Variants in LRTM2 observed in about 807,000 individuals in gnomAD.
The protein encoded by LRTM2 is leucine rich repeat transmembrane protein 2.
In LRTM2, 18 loss-of-function variants were observed where a neutral mutation model predicts 28.1. The observed-to-expected ratio is 0.64, with a 90% CI of 0.44 to 0.95. The LOEUF is 0.95. Among genes scored for constraint, LRTM2 ranks in the 40% least tolerant of loss-of-function variants. The probability of loss-of-function intolerance (pLI) is 0.00; values close to 1 mark genes in which losing one functional copy is unlikely to be tolerated. For missense variants in LRTM2, 436 were observed against 497.2 expected (o/e 0.88, Z 1.17); for synonymous variants, 250 against 218.7 (o/e 1.14, Z -1.26).
In LRTM2 at chr12:1,830,977, C is replaced by T. The variant is rs947002910; in HGVS notation, c.110C>T (p.Pro37Leu). ...WIALYAVEAL[P>L]TCPFSCKCDS... is the part of the protein sequence containing the mutation. ...GCCCTGTATGCTGTGGAGGCCCTCC[C>T]CACCTGCCCTTTCTCCTGCAAGTGT... is the stretch of plus-strand genomic sequence containing the variant. The change falls in exon 4 of 5, where the codon CCC becomes CTC. Residue 37 changes from proline (P) to leucine (L), a missense_variant. Coordinates refer to ENST00000299194, the MANE Select transcript of LRTM2 (RefSeq NM_001039029.3). 1.9e-6 allele frequency: 3 copies of T among 1,613,284 alleles called. No individual in the cohort carries two copies. The highest frequency in any genetic ancestry group is 2.5e-6 in the Non-Finnish European group (3 of 1,179,592).
At position 1,836,135 on chromosome 12, in the gene LRTM2, G is replaced by A. The variant is rs946435192; in HGVS notation, c.*1414G>A. The A allele has an allele frequency of 5.2e-5, 8 of 152,426 alleles. No homozygotes were observed. The highest frequency in any genetic ancestry group is 1.9e-4 in the East Asian group (1 of 5,186). 9.4% of individuals were successfully genotyped at this position (152,426 alleles called of 1,614,324 possible). On this transcript the variant is annotated 3_prime_UTR_variant, in exon 5 of 5. Transcript: ENST00000299194. ...GTGTGGCTCCCTAGAGCACCCAGCC[G>A]GGGCCAAACCAGAGAGTGGGTGGGG...
chr12:1,828,143 C>A lies in LRTM2; in HGVS notation c.-6C>A. The A allele has an allele frequency of 1.9e-6, 3 of 1,538,588 alleles. No individual in the cohort carries two copies. The highest frequency in any genetic ancestry group is 8.8e-7 in the Non-Finnish European group (1 of 1,141,252). ...CGACAGGGCCCGGAGAGCCGTGGGCCTCACCATGCTGGCGCCGGGCAGCAG... is the reference window on the plus strand; with the variant it reads ...CGACAGGGCCCGGAGAGCCGTGGGCATCACCATGCTGGCGCCGGGCAGCAG... On this transcript the variant is annotated 5_prime_UTR_variant, in exon 3 of 5. Transcript: ENST00000299194. This position sits in a 1 kb window ranked among gnomAD's most constrained non-coding sequence, Gnocchi z 4.2.
At chr12:1,823,731 A>T (rs1372372086) in intron 1 of LRTM2, among the ~76,000 whole-genome samples, 1 of 152,196 alleles carries the variant, frequency 6.6e-6, no homozygotes, top group Non-Finnish European at 1.5e-5. Flanking sequence ...TCTTGCTTGC[A>T]TCTCAGTCCA....
At chr12:1,827,948 GA>G (rs1300965734) in intron 2 of LRTM2, 127 bp from the exon 3 acceptor site, 80 of 419,688 alleles carry the variant, frequency 1.9e-4, no homozygotes, top group Non-Finnish European at 1.3e-4. Context: ...CCCACCCAGG[GA>G]ATCATAACTG....
chr12:1,835,593 C>T lies in LRTM2; in HGVS notation c.*872C>T, dbSNP rs1350768923. Reference sequence around the variant, plus strand: ...GCAGGAAGGAACTCAACCAGTAACACCAGGATCCTTTGAGATCCTCTAAAG... The same window carrying T: ...GCAGGAAGGAACTCAACCAGTAACATCAGGATCCTTTGAGATCCTCTAAAG... On this transcript the variant is annotated 3_prime_UTR_variant, in exon 5 of 5. Coordinates refer to ENST00000299194, the MANE Select transcript of LRTM2 (RefSeq NM_001039029.3). 1 of 152,684 alleles carries T rather than the reference C, an allele frequency of 6.5e-6. No individual in the cohort carries two copies. The highest frequency in any genetic ancestry group is 2.4e-5 in the African/African-American group (1 of 41,454). The allele number at this position is 152,684 out of a possible 1,614,324, so 9.5% of individuals were successfully genotyped here.
chr12:1,831,513 T>C lies in LRTM2; in HGVS notation c.646T>C (p.Phe216Leu), dbSNP rs1226080274. The part of the protein sequence containing the change: ...LREFKHWMEW[F>L]SYRGGRLDQL... ...TGAGTTCAAACACTGGATGGAGTGG[T>C]TCTCCTACCGAGGTGAGCGCAGCCG... The change falls in exon 4 of 5, where the codon TTC (phenylalanine) becomes CTC (leucine). Residue 216 changes from phenylalanine to leucine, a missense_variant. By Grantham distance (22) the Phe-to-Leu change is conservative. Transcript: ENST00000299194. The C allele has an allele frequency of 6.2e-7, 1 of 1,612,682 alleles. No individual in the cohort carries two copies. The highest frequency in any genetic ancestry group is 8.5e-7 in the Non-Finnish European group (1 of 1,179,464).
Position 1,834,631 on chromosome 12 carries a change from G to A in LRTM2, c.1023G>A (p.Lys341=). The change falls in exon 5 of 5, where the codon AAG becomes AAA. Residue 341 remains lysine (K), a synonymous_variant. Transcript: ENST00000299194. The surrounding 1 kb of genome is among the most constrained non-coding windows in gnomAD (Gnocchi z 7.6). ...YGCIYASLMA[K]YHRELKKRQP... ...GCATCTACGCCTCCCTCATGGCCAA[G>A]TACCACCGGGAGCTCAAAAAGCGCC... 5 of 1,600,282 alleles carry A rather than the reference G, an allele frequency of 3.1e-6. No individual in the cohort carries two copies. The highest frequency in any genetic ancestry group is 3.4e-6 in the Non-Finnish European group (4 of 1,179,886).
At position 1,834,424 on chromosome 12, in the gene LRTM2, C is replaced by T; in HGVS notation, c.816C>T (p.Ala272=). Residue 272 remains alanine (A), a synonymous_variant, in exon 5 of 5, where the codon GCC becomes GCT. Transcript: ENST00000299194. This position sits in a 1 kb window ranked among gnomAD's most constrained non-coding sequence, Gnocchi z 7.6. The part of the protein sequence containing the change: ...LDIPGPPCTK[A]SPEPAKPKPG... ...TTCCTGGGCCACCCTGCACCAAGGC[C>T]AGTCCAGAGCCTGCTAAGCCCAAGC... is the stretch of plus-strand genomic sequence containing the variant. 1 of 1,612,938 alleles carries T rather than the reference C, an allele frequency of 6.2e-7. No homozygotes were observed. The highest frequency in any genetic ancestry group is 2.2e-5 in the East Asian group (1 of 44,878).
Position 1,828,006 on chromosome 12 carries a change from C to T in LRTM2, c.-73-70C>T, listed in dbSNP as rs1864427284. The T allele has an allele frequency of 3.3e-6, 2 of 605,824 alleles. No homozygotes were observed. Among genetic ancestry groups the T allele is most frequent in the East Asian group, 3.3e-5 (1 of 30,430 alleles). The allele number at this position is 605,824 out of a possible 1,614,324, so 37.5% of individuals were successfully genotyped here. On this transcript the variant is annotated intron_variant, in intron 2 of 4. Transcript: ENST00000299194. The surrounding 1 kb of genome is among the most constrained non-coding windows in gnomAD (Gnocchi z 4.2). ...AGGAGTGTAAAGAGACACCCGGGCC[C>T]TCTCCCTAACCCCTGGGCTGGAACG...
At chr12:1,822,775 C>T (rs1864158640) in intron 1 of LRTM2, among the ~76,000 whole-genome samples, 1 of 152,164 alleles carries the variant, frequency 6.6e-6, no homozygotes, top group African/African-American at 2.4e-5. Context: ...GGGCAGCTGT[C>T]CTAGAGGGCC....
At chr12:1,832,488 C>T (rs1379780104) in intron 4 of LRTM2, among the ~76,000 whole-genome samples, 1 of 152,190 alleles carries the variant, frequency 6.6e-6, no homozygotes, top group Non-Finnish European at 1.5e-5. Flanking sequence ...GAAGAAGATG[C>T]TCAATGAATG....
At chr12:1,825,152 A>G (rs897583713) in intron 1 of LRTM2, among the ~76,000 whole-genome samples, 2 of 151,876 alleles carry the variant, frequency 1.3e-5, no homozygotes, top group Admixed American at 1.3e-4. Context: ...TGAAGATGGG[A>G]CCTCCAGACC....
At chr12:1,824,620 C>CT (rs1864242470) in intron 1 of LRTM2, among the ~76,000 whole-genome samples, 1 of 152,226 alleles carries the variant, frequency 6.6e-6, no homozygotes, top group Admixed American at 6.5e-5. Context: ...CGCTGTCCCC[C>CT]ATGCTGCACC....
At position 1,820,957 on chromosome 12, in the gene LRTM2, G is replaced by C. The variant is rs778770223; in HGVS notation, c.-259+143G>C. On this transcript the variant is annotated intron_variant, in intron 1 of 4. Transcript: ENST00000299194. This position sits in a 1 kb window ranked among gnomAD's most constrained non-coding sequence, Gnocchi z 6.0. Reference sequence around the variant, plus strand: ...CTACCTGCAGGCAATTGCTGGGGCCGAAGAAGCTGCTCGGGCTCAGGCACC... The same window carrying C: ...CTACCTGCAGGCAATTGCTGGGGCCCAAGAAGCTGCTCGGGCTCAGGCACC... 6.6e-6 allele frequency: 1 copy of C among 152,324 alleles called. No individual in the cohort carries two copies. The highest frequency in any genetic ancestry group is 1.5e-5 in the Non-Finnish European group (1 of 68,118). The allele number at this position is 152,324 out of a possible 1,614,324, so 9.4% of individuals were successfully genotyped here.
intron 1 of LRTM2, among the ~76,000 whole-genome samples, chr12:1,826,149 C>G (rs940259756): frequency 6.6e-6 from 1 of 152,138 alleles, no homozygotes; most frequent in South Asian, 2.1e-4. Context: ...CACCCCTCTC[C>G]TCTGGAGGGA....
chr12:1,825,835 T>C (rs1366324342), intron 1 of LRTM2, among the ~76,000 whole-genome samples: 1 of 113,882 alleles, frequency 8.8e-6, no homozygotes, highest in Non-Finnish European at 2.1e-5. Flanking sequence ...AAACCTGCAA[T>C]CCAGTCCCGG....
chr12:1,828,127 CCGG>C lies in LRTM2; in HGVS notation c.-21_-19del. ...TCCTCTCTCCCCAGAGCGACAGGGCCCGGAGAGCCGTGGGCCTCACCATGCTGG... is the reference window on the plus strand; with the variant it reads ...TCCTCTCTCCCCAGAGCGACAGGGCCAGAGCCGTGGGCCTCACCATGCTGG... On this transcript the variant is annotated 5_prime_UTR_variant, in exon 3 of 5. Transcript: ENST00000299194. This position sits in a 1 kb window ranked among gnomAD's most constrained non-coding sequence, Gnocchi z 4.2. The C allele has an allele frequency of 6.6e-7, 1 of 1,522,180 alleles. No individual in the cohort carries two copies. The allele number at this position is 1,522,180 out of a possible 1,614,324, so 94.3% of individuals were successfully genotyped here.
At position 1,831,348 on chromosome 12, in the gene LRTM2, G is replaced by C. The variant is rs41276696; in HGVS notation, c.481G>C (p.Asp161His). The change falls in exon 4 of 5, where the codon GAC becomes CAC. Residue 161 changes from aspartate to histidine, a missense_variant. Coordinates refer to ENST00000299194, the MANE Select transcript of LRTM2 (RefSeq NM_001039029.3). ...GLAQLPPGLF[D>H]GLLALRSLSL... ...GGCCCAGTTGCCCCCTGGTCTTTTC[G>C]ACGGGCTCCTGGCTCTGCGCTCCCT... 6 of 1,613,824 alleles carry C rather than the reference G, an allele frequency of 3.7e-6. No homozygotes were observed. Among genetic ancestry groups the C allele is most frequent in the South Asian group, 1.1e-5 (1 of 91,088 alleles).
intron 1 of LRTM2, among the ~76,000 whole-genome samples, chr12:1,825,326 G>T (rs1205823075): frequency 1.3e-5 from 2 of 152,176 alleles, no homozygotes; most frequent in African/African-American, 4.8e-5. Flanking sequence ...TGGGTGGGAG[G>T]GCTTCTCCAC....
Sources: allele counts gnomAD v4.1 joint callset (sites outside exome capture counted in the v4.1 genomes callset), GRCh38; gene constraint gnomAD v4.1.1; non-coding constraint Gnocchi (gnomAD v3.1); transcripts MANE v1.5; gene names NCBI Gene and HGNC (gene_info 2026-07-23, HGNC 2026-07-21).